ARAP2: variants seen among roughly 807,000 people sequenced by gnomAD.
The protein encoded by ARAP2 is arf-GAP with Rho-GAP domain, ANK repeat and PH domain-containing protein 2.
ARAP2 carries 148 observed loss-of-function variants against 194.5 expected under a neutral mutation model. The ratio of observed to expected loss-of-function variants is 0.76; its 90% CI spans 0.67 to 0.87. The LOEUF (loss-of-function observed/expected upper bound fraction) is 0.87. ARAP2 is among the 40% of genes least tolerant of loss of function. The probability of loss-of-function intolerance (pLI) is 0.00; values close to 1 mark genes in which losing one functional copy is unlikely to be tolerated. For synonymous variants in ARAP2, 695 were observed against 683.5 expected (o/e 1.02, Z -0.26); for missense variants, 2,128 against 1,989.7 (o/e 1.07, Z -1.32).
At chr4:36,177,765 C>T (rs1560599694) in intron 9 of ARAP2, 62 bp downstream of exon 9, 37 of 1,445,628 alleles carry the variant, frequency 2.6e-5, no homozygotes, top group Non-Finnish European at 3.4e-5. Context: ...TCCTTCCAAA[C>T]AAAACATAGT....
intron 31 of ARAP2, among the ~76,000 whole-genome samples, chr4:36,076,675 C>T (rs1444041193): frequency 1.3e-5 from 2 of 152,018 alleles, no homozygotes; most frequent in Non-Finnish European, 2.9e-5. Context: ...CTCCCCCAGG[C>T]ATCTCATCTA....
At chr4:36,203,955 T>A (rs572175971) in intron 6 of ARAP2, among the ~76,000 whole-genome samples, 1 of 152,282 alleles carries the variant, frequency 6.6e-6, no homozygotes, top group East Asian at 1.9e-4. Flanking sequence ...AAAGGATTTA[T>A]TTGTGAAAAA....
At chr4:36,210,366 T>C (rs1746480080) in intron 6 of ARAP2, 24 bp downstream of exon 6, 1 of 1,544,450 alleles carries the variant, frequency 6.5e-7, no homozygotes, top group Non-Finnish European at 8.7e-7. Context: ...ATGCCACTTA[T>C]GAAATAAATG....
chr4:36,148,265 C>CT (rs1369742281), intron 17 of ARAP2, 140 bp downstream of exon 17: 7 of 603,276 alleles, frequency 1.2e-5, no homozygotes, highest in East Asian at 3.0e-5. Flanking sequence ...CTTTTGACTA[C>CT]TTTTTTTGAA....
intron 5 of ARAP2, among the ~76,000 whole-genome samples, chr4:36,042,430 T>C (rs1396441494): frequency 6.6e-6 from 1 of 152,182 alleles, no homozygotes; most frequent in Non-Finnish European, 1.5e-5. Flanking sequence ...ACAGTTCAAT[T>C]ATAAAATGCT....
intron 19 of ARAP2, among the ~76,000 whole-genome samples, chr4:36,138,942 G>T (rs1412913755): frequency 1.3e-5 from 2 of 151,524 alleles, no homozygotes; most frequent in Admixed American, 1.3e-4. Context: ...AACTTTACAT[G>T]TGCTTGTTGG....
intron 2 of ARAP2, among the ~76,000 whole-genome samples, chr4:36,055,326 ACT>A (rs1349702849): frequency 2.0e-5 from 3 of 152,280 alleles, no homozygotes; most frequent in African/African-American, 7.2e-5. Flanking sequence ...GTGAATGCAC[ACT>A]GTTTATTTAT....
intron 17 of ARAP2, 69 bp from the exon 18 acceptor site, chr4:36,147,815 A>G: frequency 8.0e-7 from 1 of 1,257,198 alleles, no homozygotes; most frequent in Non-Finnish European, 1.1e-6. Flanking sequence ...ATCTACTGAT[A>G]TGAGAGAAGG....
intron 27 of ARAP2, among the ~76,000 whole-genome samples, chr4:36,104,766 G>C (rs886869218): frequency 2.6e-5 from 4 of 151,864 alleles, no homozygotes; most frequent in African/African-American, 9.7e-5. Flanking sequence ...AAAATTTTAT[G>C]GGCTAGAAAA....
intron 9 of ARAP2, among the ~76,000 whole-genome samples, chr4:36,170,661 T>C (rs760657830): frequency 1.3e-5 from 2 of 152,182 alleles, no homozygotes; most frequent in Non-Finnish European, 2.9e-5. Context: ...GTGGACTCTA[T>C]AATTGGTTTA....
At position 36,083,376 on chromosome 4, in the gene ARAP2, A is replaced by G; in HGVS notation, c.4500T>C (p.Pro1500=). 1 of 1,603,494 alleles carries G rather than the reference A, an allele frequency of 6.2e-7. No homozygotes were observed. Among genetic ancestry groups the G allele is most frequent in the Non-Finnish European group, 8.5e-7 (1 of 1,174,992 alleles). The part of the protein sequence containing the change: ...FYRGVKKKMK[P]PTSWGLTAYS... ...TCCCTTTCAAACTTTACCTTGTTGG[A>G]GGCTTCATTTTCTTTTTCACTCCAC... Residue 1500 remains proline (P), a synonymous_variant, in exon 29 of 33, where the codon CCT becomes CCC. Coordinates refer to ENST00000303965, the MANE Select transcript of ARAP2 (RefSeq NM_015230.4).
At chr4:36,059,193 A>G (rs1206421483) in intron 1 of ARAP2, among the ~76,000 whole-genome samples, 1 of 152,206 alleles carries the variant, frequency 6.6e-6, no homozygotes, top group Admixed American at 6.5e-5. Context: ...CATAAATGCA[A>G]CATGACATTG....
chr4:36,099,140 G>T (rs183654078), intron 27 of ARAP2, among the ~76,000 whole-genome samples: 3 of 151,706 alleles, frequency 2.0e-5, no homozygotes, highest in Admixed American at 1.3e-4. Flanking sequence ...ACTTATAAGC[G>T]AGAACATGCG....
At chr4:36,037,627 G>A (rs1720153448) in intron 5 of ARAP2, among the ~76,000 whole-genome samples, 1 of 152,078 alleles carries the variant, frequency 6.6e-6, no homozygotes, top group Non-Finnish European at 1.5e-5. Context: ...TAAGCAGGTT[G>A]GATTTTGTGT....
intron 27 of ARAP2, among the ~76,000 whole-genome samples, chr4:36,100,724 A>G (rs925530471): frequency 5.3e-5 from 8 of 152,044 alleles, no homozygotes; most frequent in African/African-American, 1.9e-4. Flanking sequence ...GGGCATAATC[A>G]CTGCTTGAAA....
At chr4:36,044,455 G>T (rs947964389) in intron 5 of ARAP2, among the ~76,000 whole-genome samples, 2 of 152,162 alleles carry the variant, frequency 1.3e-5, no homozygotes, top group Non-Finnish European at 2.9e-5. Flanking sequence ...TTTAGGTTAA[G>T]ATGGAAGCTA....
At chr4:36,161,306 T>C (rs1194096134) in intron 12 of ARAP2, among the ~76,000 whole-genome samples, 159 bp downstream of exon 12, 1 of 152,150 alleles carries the variant, frequency 6.6e-6, no homozygotes, top group Non-Finnish European at 1.5e-5. Context: ...AAAGAGTTAC[T>C]ACTATCAAAA....
At chr4:36,148,992 TTCA>T (rs1262952447) in intron 16 of ARAP2, among the ~76,000 whole-genome samples, 1 of 152,160 alleles carries the variant, frequency 6.6e-6, no homozygotes, top group East Asian at 1.9e-4. Context: ...AAATTTTCCT[TTCA>T]TCATCTCAAC....
intron 27 of ARAP2, among the ~76,000 whole-genome samples, chr4:36,102,671 G>A (rs757495079): frequency 1.3e-5 from 2 of 151,938 alleles, no homozygotes; most frequent in Non-Finnish European, 2.9e-5. Flanking sequence ...CTGACCTAGA[G>A]TAGTCTATTA....
Sources: allele counts gnomAD v4.1 joint callset (sites outside exome capture counted in the v4.1 genomes callset), GRCh38; gene constraint gnomAD v4.1.1; transcripts MANE v1.5; gene names NCBI Gene and HGNC (gene_info 2026-07-23, HGNC 2026-07-21).